Variants in KIF26B observed in about 807,000 individuals in gnomAD.
KIF26B encodes kinesin family member 26B.
A neutral mutation model predicts 151.2 loss-of-function variants in KIF26B; 63 were observed. The ratio of observed to expected loss-of-function variants is 0.42; its 90% confidence interval spans 0.34 to 0.51. KIF26B has a LOEUF of 0.51. Among genes scored for constraint, KIF26B ranks in the 20% least tolerant of loss-of-function variants. The pLI is 0.07. For synonymous variants in KIF26B, 1,357 were observed against 1,262.1 expected (o/e 1.08, Z -1.59); for missense variants, 2,813 against 2,913.6 (o/e 0.97, Z 0.79).
At chr1:245,610,268 G>A (rs989028782) in intron 8 of KIF26B, among the ~76,000 whole-genome samples, 2 of 152,108 alleles carry the variant, frequency 1.3e-5, no homozygotes, top group African/African-American at 2.4e-5. Flanking sequence ...GATACCTCCC[G>A]TGGCCTGTTA....
chr1:245,350,855 A>G (rs1040647456), intron 2 of KIF26B, among the ~76,000 whole-genome samples: 2 of 152,134 alleles, frequency 1.3e-5, no homozygotes, highest in South Asian at 2.1e-4. Context: ...ATGGGTAACT[A>G]TCTCCAAAGC....
rs1660326456 is a variant in KIF26B at position 245,488,387 on chromosome 1, A to G, written c.1167-52380A>G. ...AGAATTTTTCCAACAGAACCTAACA[A>G]TAGATATGCTCTCTGAAAACTCTAC... On this transcript the variant is annotated intron_variant, in intron 4 of 14. Transcript: ENST00000407071. The surrounding 1 kb of genome is among the most constrained non-coding windows in gnomAD (Gnocchi z 4.6). Among the ~76,000 whole-genome samples, 1 of 152,144 alleles carries G rather than the reference A, an allele frequency of 6.6e-6. No individual in the cohort carries two copies. The highest frequency in any genetic ancestry group is 2.4e-5 in the African/African-American group (1 of 41,450).
chr1:245,442,307 T>A (rs1659124216), intron 4 of KIF26B, among the ~76,000 whole-genome samples: 1 of 152,134 alleles, frequency 6.6e-6, no homozygotes, highest in Admixed American at 6.5e-5. Flanking sequence ...ATCTTGTGCA[T>A]CTTCTTATAC....
At chr1:245,537,315 G>A (rs1422663541) in intron 4 of KIF26B, among the ~76,000 whole-genome samples, 1 of 152,116 alleles carries the variant, frequency 6.6e-6, no homozygotes, top group Non-Finnish European at 1.5e-5. Context: ...AAAGAAGAGA[G>A]TAGTAGGAAA....
chr1:245,565,579 T>C (rs1481311922), intron 5 of KIF26B, among the ~76,000 whole-genome samples: 2 of 152,174 alleles, frequency 1.3e-5, no homozygotes, highest in Non-Finnish European at 2.9e-5. Flanking sequence ...CATGAGCCAC[T>C]GCGCCGAGCC....
At chr1:245,290,665 G>T (rs1020236520) in intron 2 of KIF26B, among the ~76,000 whole-genome samples, 3 of 152,182 alleles carry the variant, frequency 2.0e-5, no homozygotes, top group Non-Finnish European at 4.4e-5. Flanking sequence ...TTATCGGCAG[G>T]GTGTTTATGA....
intron 4 of KIF26B, among the ~76,000 whole-genome samples, chr1:245,484,987 G>T (rs1225306421): frequency 6.6e-6 from 1 of 152,078 alleles, no homozygotes; most frequent in Non-Finnish European, 1.5e-5. Flanking sequence ...ATTCAACAGA[G>T]GGATGGCTAA....
At chr1:245,181,212 T>C (rs1668900701) in intron 2 of KIF26B, among the ~76,000 whole-genome samples, 1 of 152,158 alleles carries the variant, frequency 6.6e-6, no homozygotes. Context: ...CCCCCTTCTT[T>C]CTTGCTCCCT....
chr1:245,217,500 C>T (rs1669672751), intron 2 of KIF26B, among the ~76,000 whole-genome samples: 1 of 151,524 alleles, frequency 6.6e-6, no homozygotes, highest in African/African-American at 2.4e-5. Context: ...TAGTAGCTGG[C>T]ATTACAGGTG....
chr1:245,221,603 C>T (rs1242218691), intron 2 of KIF26B, among the ~76,000 whole-genome samples: 1 of 152,124 alleles, frequency 6.6e-6, no homozygotes, highest in Non-Finnish European at 1.5e-5. Flanking sequence ...AATGGTGTTT[C>T]ACCATGTTGG....
In KIF26B at chr1:245,668,756, C is replaced by T. The variant is rs574440352; in HGVS notation, c.2259-15477C>T. On this transcript the variant is annotated intron_variant, in intron 10 of 14. Coordinates refer to ENST00000407071, the MANE Select transcript of KIF26B (RefSeq NM_018012.4). ...CCAGGCTGGAGTGCAGTGGCACAAT[C>T]TTGGCTTACCGCAACCTCTGCTTCC... 1.2e-4 allele frequency among the ~76,000 whole-genome samples: 18 copies of T among 152,192 alleles called. No homozygotes were observed. The South Asian group carries it at 3.5e-3, about 30-fold the overall frequency.
intron 2 of KIF26B, among the ~76,000 whole-genome samples, chr1:245,268,448 G>A (rs1670787610): frequency 1.3e-5 from 2 of 149,766 alleles, no homozygotes; most frequent in South Asian, 4.2e-4. Context: ...CAGCCTGGGT[G>A]ATGGAGCGAG....
In KIF26B at chr1:245,170,213, C is replaced by T. The variant is rs1292642835; in HGVS notation, c.465+13530C>T. On this transcript the variant is annotated intron_variant, in intron 2 of 14. Transcript: ENST00000407071. This position sits in a 1 kb window ranked among gnomAD's most constrained non-coding sequence, Gnocchi z 4.4. ...CCCACTGACATGGCCTCCTGTATTC[C>T]AGCAAAGAGTGAAATTCACAGGGAG... Among the ~76,000 whole-genome samples the T allele has an allele frequency of 6.6e-6, 1 of 152,130 alleles. No individual in the cohort carries two copies. The highest frequency in any genetic ancestry group is 2.4e-5 in the African/African-American group (1 of 41,420).
intron 2 of KIF26B, among the ~76,000 whole-genome samples, chr1:245,193,120 C>CT (rs1669138108): frequency 1.3e-5 from 2 of 152,172 alleles, no homozygotes; most frequent in South Asian, 4.1e-4. Flanking sequence ...TTAGCTCCCA[C>CT]TTATAATTGA....
At chr1:245,665,478 AC>A (rs2044202522) in intron 10 of KIF26B, among the ~76,000 whole-genome samples, 1 of 152,190 alleles carries the variant, frequency 6.6e-6, no homozygotes, top group Non-Finnish European at 1.5e-5. Flanking sequence ...CAAAGAGAGA[AC>A]CGCACACTCT....
intron 3 of KIF26B, among the ~76,000 whole-genome samples, chr1:245,389,254 C>T (rs1400696556): frequency 1.3e-5 from 2 of 152,256 alleles, no homozygotes; most frequent in African/African-American, 4.8e-5. Context: ...GCTGGGATTA[C>T]AGGCATGCAC....
intron 4 of KIF26B, among the ~76,000 whole-genome samples, chr1:245,481,689 T>G (rs1660170323): frequency 6.6e-6 from 1 of 151,886 alleles, no homozygotes. Flanking sequence ...TTTCAACAAG[T>G]GAGGACAGAT....
intron 5 of KIF26B, among the ~76,000 whole-genome samples, chr1:245,552,286 C>G (rs937126436): frequency 4.6e-5 from 7 of 151,850 alleles, no homozygotes; most frequent in African/African-American, 1.5e-4. Flanking sequence ...AGGCGGGCAG[C>G]CGACAAGCAG....
intron 2 of KIF26B, among the ~76,000 whole-genome samples, chr1:245,361,082 A>G (rs372758059): frequency 7.6e-4 from 116 of 152,314 alleles, no homozygotes; most frequent in African/African-American, 2.6e-3. Flanking sequence ...ACTGTTCTTA[A>G]TCATGTTACG....
Sources: allele counts gnomAD v4.1 joint callset (sites outside exome capture counted in the v4.1 genomes callset), GRCh38; gene constraint gnomAD v4.1.1; non-coding constraint Gnocchi (gnomAD v3.1); transcripts MANE v1.5; gene names NCBI Gene and HGNC (gene_info 2026-07-23, HGNC 2026-07-21).